Variants in SLCO5A1 observed in about 807,000 individuals in gnomAD.
SLCO5A1 encodes the protein solute carrier organic anion transporter family member 5A1.
In SLCO5A1, 39 loss-of-function variants were observed where a neutral mutation model predicts 65.1. The ratio of observed to expected loss-of-function variants is 0.60; its 90% CI spans 0.46 to 0.78. The LOEUF (loss-of-function observed/expected upper bound fraction) is 0.78. Ranked by LOEUF, SLCO5A1 falls within the 30% of genes least tolerant of loss-of-function variation. The probability of loss-of-function intolerance (pLI) is 0.00; values close to 1 mark genes in which losing one functional copy is unlikely to be tolerated. For missense variants in SLCO5A1, 1,029 were observed against 1,069.4 expected (o/e 0.96, Z 0.53); for synonymous variants, 438 against 415.7 (o/e 1.05, Z -0.65).
At chr8:69,747,112 C>T (rs566493065) in intron 4 of SLCO5A1, among the ~76,000 whole-genome samples, 29 of 152,312 alleles carry the variant, frequency 1.9e-4, no homozygotes, top group African/African-American at 6.0e-4. Context: ...GGCCTTGCTC[C>T]GATTCTGCCT....
intron 2 of SLCO5A1, among the ~76,000 whole-genome samples, chr8:69,785,015 A>C (rs879390509): frequency 6.6e-6 from 1 of 151,348 alleles, no homozygotes; most frequent in Admixed American, 6.6e-5. Context: ...AGAAAAGAAA[A>C]GAAAGAAAGG....
chr8:69,700,622 C>G (rs1814693333), intron 6 of SLCO5A1: 1 of 151,836 alleles, frequency 6.6e-6, no homozygotes, highest in Admixed American at 6.6e-5. Flanking sequence ...TTCTGAAATA[C>G]TAGTAATAAA....
At chr8:69,820,913 G>A (rs1281468343) in intron 2 of SLCO5A1, among the ~76,000 whole-genome samples, 1 of 152,028 alleles carries the variant, frequency 6.6e-6, no homozygotes, top group East Asian at 1.9e-4. Flanking sequence ...TAATCCCCAG[G>A]CAGAAACAGG....
chr8:69,796,558 A>T (rs1045433665), intron 2 of SLCO5A1, among the ~76,000 whole-genome samples: 11 of 152,100 alleles, frequency 7.2e-5, no homozygotes, highest in African/African-American at 2.4e-4. Flanking sequence ...AGAGGTCTAC[A>T]GTGAGCCATG....
chr8:69,815,941 T>G (rs911115193), intron 2 of SLCO5A1, among the ~76,000 whole-genome samples: 2 of 152,288 alleles, frequency 1.3e-5, no homozygotes, highest in Non-Finnish European at 2.9e-5. Flanking sequence ...TAGCAATGAG[T>G]AACACACAGT....
intron 2 of SLCO5A1, among the ~76,000 whole-genome samples, chr8:69,817,755 G>A (rs777068295): frequency 3.3e-5 from 5 of 152,120 alleles, no homozygotes; most frequent in Non-Finnish European, 5.9e-5. Context: ...TCTTTGCAAT[G>A]GAAAAACTTC....
At chr8:69,785,403 C>CA (rs1168279299) in intron 2 of SLCO5A1, among the ~76,000 whole-genome samples, 1 of 151,894 alleles carries the variant, frequency 6.6e-6, no homozygotes, top group Non-Finnish European at 1.5e-5. Context: ...AAAATTGATG[C>CA]AAAAAAATAT....
intron 2 of SLCO5A1, among the ~76,000 whole-genome samples, chr8:69,776,670 ACAGAGTGAGAC>A (rs1312865645): frequency 6.6e-6 from 1 of 152,198 alleles, no homozygotes; most frequent in African/African-American, 2.4e-5. Flanking sequence ...AGCCTGGACG[ACAGAGTGAGAC>A]CCTGTCTCAA....
At chr8:69,755,314 A>T (rs1817490887) in intron 4 of SLCO5A1, 110 bp downstream of exon 4, 3 of 785,340 alleles carry the variant, frequency 3.8e-6, no homozygotes, top group South Asian at 4.7e-5. Context: ...TCTCAATCTT[A>T]GTACTTATCT....
At chr8:69,750,897 C>T (rs1817268959) in intron 4 of SLCO5A1, among the ~76,000 whole-genome samples, 1 of 152,178 alleles carries the variant, frequency 6.6e-6, no homozygotes, top group African/African-American at 2.4e-5. Flanking sequence ...GAGTACAGCA[C>T]CCTCTATAGA....
rs955317706 is a variant in SLCO5A1, at chr8:69,667,319, A to T, written c.*5550T>A. The T allele has an allele frequency of 9.2e-5, 14 of 152,032 alleles. No homozygotes were observed. The highest frequency in any genetic ancestry group is 8.5e-4 in the Admixed American group (13 of 15,252). The allele number at this position is 152,032 out of a possible 1,614,324, so 9.4% of individuals were successfully genotyped here. A position where few individuals can be genotyped will look rare whatever the true frequency, so the allele number is the denominator to read the frequency against. ...ACACACACACACAAACACACACTCC[A>T]CTAAGAACCTAATGCCAGTTTAGTT... On this transcript the variant is annotated 3_prime_UTR_variant, in exon 10 of 10. Transcript: ENST00000260126.
chr8:69,831,987 G>A lies in SLCO5A1; in HGVS notation c.687C>T (p.Ala229=). ...GACACAGGCCGTCGTTGGGGGCCGA[G>A]GCGTTCAACTCTTGGATCTGGTAGG... ...SPPYQIQELN[A]SAPNDGLCQG... Residue 229 remains alanine (A), a synonymous_variant, in exon 2 of 10, where the codon GCC becomes GCT. Transcript: ENST00000260126. The A allele has an allele frequency of 6.3e-7, 1 of 1,595,114 alleles. No individual in the cohort carries two copies.
intron 5 of SLCO5A1, among the ~76,000 whole-genome samples, chr8:69,709,897 G>A (rs1010279673): frequency 7.9e-5 from 12 of 152,080 alleles, no homozygotes; most frequent in African/African-American, 2.7e-4. Context: ...TGCATGCTCC[G>A]GCATGTTCAA....
intron 2 of SLCO5A1, among the ~76,000 whole-genome samples, chr8:69,792,971 TTTTTTTG>T (rs1161200529): frequency 5.9e-5 from 9 of 151,898 alleles, no homozygotes; most frequent in Non-Finnish European, 8.8e-5. Flanking sequence ...TGTTGTTTGG[TTTTTTTG>T]TTTTTTGTTT....
rs530667716 is a variant in SLCO5A1, at chr8:69,748,344, C to A, written c.1258+7080G>T. ...AAGGAGATGCTACTTTGATGAGTCA[C>A]CCCACAGTTATTTTGCTGAGTATAG... On this transcript the variant is annotated intron_variant, in intron 4 of 9. Transcript: ENST00000260126. Among the ~76,000 whole-genome samples, 294 of 152,262 alleles carry A rather than the reference C, an allele frequency of 1.9e-3. 1 individual carries two copies. The highest frequency in any genetic ancestry group is 3.3e-3 in the Non-Finnish European group (225 of 68,012).
chr8:69,796,861 A>G (rs1819521292), intron 2 of SLCO5A1, among the ~76,000 whole-genome samples: 1 of 152,112 alleles, frequency 6.6e-6, no homozygotes, highest in South Asian at 2.1e-4. Flanking sequence ...AGATTCCTAG[A>G]GCAGAGGCAC....
At chr8:69,748,761 C>T (rs949565827) in intron 4 of SLCO5A1, among the ~76,000 whole-genome samples, 2 of 152,186 alleles carry the variant, frequency 1.3e-5, no homozygotes, top group Non-Finnish European at 2.9e-5. Flanking sequence ...GGACCAACAG[C>T]TTCAGTATCA....
At position 69,748,008 on chromosome 8, in the gene SLCO5A1, A is replaced by G. The variant is rs1281872730; in HGVS notation, c.1258+7416T>C. Among the ~76,000 whole-genome samples the G allele has an allele frequency of 3.3e-5, 5 of 152,130 alleles. No homozygotes were observed. The South Asian group carries it at 1.0e-3, about 32-fold the overall frequency. On this transcript the variant is annotated intron_variant, in intron 4 of 9. Transcript: ENST00000260126. ...ACCTATGTGCCCTCATTTCCTGCTC[A>G]TTTTCTTTGAAAGAAATGATCCCAC...
intron 2 of SLCO5A1, among the ~76,000 whole-genome samples, chr8:69,808,077 T>C (rs1820079815): frequency 8.1e-6 from 1 of 124,140 alleles, no homozygotes; most frequent in African/African-American, 3.7e-5. Context: ...TTAAAATCCA[T>C]TCATCCATTG....
Sources: allele counts gnomAD v4.1 joint callset (sites outside exome capture counted in the v4.1 genomes callset), GRCh38; gene constraint gnomAD v4.1.1; transcripts MANE v1.5; gene names NCBI Gene and HGNC (gene_info 2026-07-23, HGNC 2026-07-21).